The following APBA1 variants were observed in gnomAD, a reference collection of about 807,000 sequenced individuals.
The protein encoded by APBA1 is amyloid-beta A4 precursor protein-binding family A member 1.
APBA1 carries 55 observed loss-of-function variants against 86.6 expected under a neutral mutation model. The observed-to-expected ratio is 0.64, with a 90% CI of 0.51 to 0.80. The LOEUF is 0.80. APBA1 is among the 30% of genes least tolerant of loss of function. The pLI is 0.00. For missense variants in APBA1, 1,090 were observed against 1,183.0 expected (o/e 0.92, Z 1.15); for synonymous variants, 511 against 493.9 (o/e 1.03, Z -0.46).
At chr9:69,619,948 G>A (rs1437109055) in intron 1 of APBA1, among the ~76,000 whole-genome samples, 4 of 152,068 alleles carry the variant, frequency 2.6e-5, no homozygotes, top group Non-Finnish European at 5.9e-5. Context: ...TTGTATTCTC[G>A]GTTTCTACGT....
intron 1 of APBA1, among the ~76,000 whole-genome samples, chr9:69,636,085 G>A (rs1252816031): frequency 6.6e-6 from 1 of 152,154 alleles, no homozygotes; most frequent in Non-Finnish European, 1.5e-5. Context: ...TTAAAAACAG[G>A]CAAAGGATCT....
At chr9:69,640,930 G>T (rs2134007679) in intron 1 of APBA1, among the ~76,000 whole-genome samples, 1 of 149,716 alleles carries the variant, frequency 6.7e-6, no homozygotes, top group Admixed American at 6.8e-5. Context: ...GGGGAGAGGG[G>T]AGAGGGGAAA....
At chr9:69,626,321 GTTGT>G (rs141774539) in intron 1 of APBA1, among the ~76,000 whole-genome samples, 99,469 of 150,870 alleles carry the variant, frequency 0.66, 33,545 homozygotes, top group South Asian at 0.86. Flanking sequence ...TGTTGTTATT[GTTGT>G]TTGTTTGTTT....
chr9:69,573,655 G>A (rs1837150868), intron 1 of APBA1, among the ~76,000 whole-genome samples: 1 of 152,188 alleles, frequency 6.6e-6, no homozygotes, highest in African/African-American at 2.4e-5. Context: ...TAAATAGCTA[G>A]TATTCATGTC....
At chr9:69,603,968 T>C (rs919943155) in intron 1 of APBA1, among the ~76,000 whole-genome samples, 3 of 152,234 alleles carry the variant, frequency 2.0e-5, no homozygotes, top group African/African-American at 7.2e-5. Context: ...TAGAAAATGC[T>C]AACTATTACA....
At chr9:69,616,474 TTAA>T (rs1822703189) in intron 1 of APBA1, among the ~76,000 whole-genome samples, 1 of 152,192 alleles carries the variant, frequency 6.6e-6, no homozygotes, top group African/African-American at 2.4e-5. Context: ...CATAGTACTA[TTAA>T]TTTTACTTTG....
chr9:69,635,429 G>A (rs976937062), intron 1 of APBA1, among the ~76,000 whole-genome samples: 2 of 151,924 alleles, frequency 1.3e-5, no homozygotes, highest in African/African-American at 2.4e-5. Flanking sequence ...CTAAAAGGAA[G>A]ATAGGAAGGA....
chr9:69,518,398 A>AT (rs1836201287), intron 1 of APBA1, among the ~76,000 whole-genome samples: 1 of 152,166 alleles, frequency 6.6e-6, no homozygotes, highest in South Asian at 2.1e-4. Flanking sequence ...AAATTCTAAG[A>AT]TTTTATGAGT....
intron 2 of APBA1, among the ~76,000 whole-genome samples, chr9:69,487,325 A>G (rs981818109): frequency 3.9e-5 from 6 of 152,116 alleles, no homozygotes; most frequent in Admixed American, 1.3e-4. Flanking sequence ...CCTCCCCCCA[A>G]AAATGCCTGG....
intron 1 of APBA1, among the ~76,000 whole-genome samples, chr9:69,597,644 A>C (rs1341056969): frequency 1.3e-5 from 2 of 152,126 alleles, no homozygotes; most frequent in Admixed American, 1.3e-4. Flanking sequence ...TTATGGTTTT[A>C]GGTCTAACGT....
rs1834587740 is a variant in APBA1, at chr9:69,431,245, T to C, written c.*82A>G. 2.7e-6 allele frequency: 3 copies of C among 1,108,176 alleles called. No individual in the cohort carries two copies. Among genetic ancestry groups the C allele is most frequent in the South Asian group, 1.7e-5 (1 of 57,502 alleles). The allele number at this position is 1,108,176 out of a possible 1,614,324, so 68.6% of individuals were successfully genotyped here. ...ATGCTGGGCGCGAGAGGGGAAAGTC[T>C]CAGTGGACACAGGGATGCAGCACGA... On this transcript the variant is annotated 3_prime_UTR_variant, in exon 13 of 13. Transcript: ENST00000265381.
chr9:69,632,976 C>G (rs111761247), intron 1 of APBA1, among the ~76,000 whole-genome samples: 1,591 of 151,984 alleles, frequency 0.01, 26 homozygotes, highest in African/African-American at 0.035. Context: ...TAGCTCCCCC[C>G]CTGCTGGGTC....
chr9:69,672,555 C>CGCGGCGGCGGCG (rs1156962478), upstream of APBA1, among the ~76,000 whole-genome samples: 5 of 147,416 alleles, frequency 3.4e-5, no homozygotes, highest in Non-Finnish European at 4.5e-5. Context: ...CCCGCGAGCC[C>CGCGGCGGCGGCG]GCGGCGGCGG....
intron 2 of APBA1, among the ~76,000 whole-genome samples, chr9:69,506,257 A>G (rs1835962613): frequency 6.6e-6 from 1 of 151,368 alleles, no homozygotes; most frequent in Non-Finnish European, 1.5e-5. Context: ...CTCACTTGGG[A>G]AGTGCAAGGG....
chr9:69,443,752 C>T (rs977132944), intron 10 of APBA1, among the ~76,000 whole-genome samples: 1 of 152,176 alleles, frequency 6.6e-6, no homozygotes, highest in African/African-American at 2.4e-5. Flanking sequence ...TCACACACAG[C>T]AAGATTCAAT....
At chr9:69,515,977 G>A in intron 2 of APBA1, 34 bp downstream of exon 2, 1 of 1,485,178 alleles carries the variant, frequency 6.7e-7, no homozygotes, top group Non-Finnish European at 9.0e-7. Flanking sequence ...CCCACCGCGT[G>A]GGGCCGAGGA....
intron 1 of APBA1, among the ~76,000 whole-genome samples, chr9:69,536,346 A>G (rs1315983034): frequency 6.6e-6 from 1 of 151,920 alleles, no homozygotes; most frequent in Non-Finnish European, 1.5e-5. Context: ...GAATGGTGTA[A>G]TGATTCTCCT....
At chr9:69,514,121 A>G (rs369391060) in intron 2 of APBA1, among the ~76,000 whole-genome samples, 2 of 152,246 alleles carry the variant, frequency 1.3e-5, no homozygotes, top group African/African-American at 4.8e-5. Flanking sequence ...TTTCTTAGGT[A>G]TTTCAAAAAT....
At chr9:69,485,755 T>C (rs1260369973) in intron 2 of APBA1, among the ~76,000 whole-genome samples, 1 of 152,022 alleles carries the variant, frequency 6.6e-6, no homozygotes, top group Non-Finnish European at 1.5e-5. Flanking sequence ...CTGCAGAAAA[T>C]GTTCTAGCAG....
Sources: gnomAD v4.1 joint callset for allele counts (sites outside exome capture counted in the v4.1 genomes callset) on GRCh38, gnomAD v4.1.1 for gene constraint, MANE v1.5 for transcripts, NCBI Gene and HGNC (gene_info 2026-07-23, HGNC 2026-07-21) for gene names.